NOL4L: variants seen among roughly 807,000 people sequenced by gnomAD.
NOL4L encodes nucleolar protein 4 like, also known as nucleolar protein 4-like.
A neutral mutation model predicts 64.5 loss-of-function variants in NOL4L; 7 were observed. The observed-to-expected ratio is 0.11, with a 90% CI of 0.06 to 0.20. NOL4L has a LOEUF of 0.20. Ranked by LOEUF, NOL4L falls within the 10% of genes least tolerant of loss-of-function variation. NOL4L has a pLI of 1.00. For synonymous variants in NOL4L, 413 were observed against 401.0 expected (o/e 1.03, Z -0.36); for missense variants, 680 against 967.1 (o/e 0.70, Z 3.94).
chr20:32,542,487 G>A (rs1236571998), intron 1 of NOL4L, among the ~76,000 whole-genome samples: 2 of 151,980 alleles, frequency 1.3e-5, no homozygotes, highest in Admixed American at 1.3e-4. Context: ...CCAAGTAACT[G>A]GACCATAGGC....
intron 1 of NOL4L, among the ~76,000 whole-genome samples, chr20:32,581,769 G>A (rs373266869): frequency 6.6e-6 from 1 of 152,174 alleles, no homozygotes; most frequent in African/African-American, 2.4e-5. Context: ...GCCCGCACAA[G>A]GACTGTGGGT....
chr20:32,522,182 C>T (rs1041489525), intron 2 of NOL4L, among the ~76,000 whole-genome samples: 1 of 152,226 alleles, frequency 6.6e-6, no homozygotes, highest in Non-Finnish European at 1.5e-5. Context: ...GGCACAGCTT[C>T]CAGCTCAGCC....
intron 3 of NOL4L, among the ~76,000 whole-genome samples, chr20:32,511,711 G>A (rs1164984176): frequency 2.0e-5 from 3 of 152,176 alleles, no homozygotes; most frequent in Admixed American, 6.5e-5. Flanking sequence ...GAGGCCGGGC[G>A]TGCTGGCTCA....
rs187590027 is a variant in NOL4L, at chr20:32,508,834, G to T, written c.699+2513C>A. On this transcript the variant is annotated intron_variant, in intron 4 of 10. Coordinates refer to ENST00000621426, the MANE Select transcript of NOL4L (RefSeq NM_001256798.2). Reference sequence around the variant, plus strand: ...GGTCATGAACTTCGGTTCATCCCCTGATACTCATCAGGTGCTTATGCACAC... The same window carrying T: ...GGTCATGAACTTCGGTTCATCCCCTTATACTCATCAGGTGCTTATGCACAC... 2.1e-4 allele frequency among the ~76,000 whole-genome samples: 32 copies of T among 152,304 alleles called. 1 individual carries two copies. The East Asian group carries it at 6.2e-3, about 29-fold the overall frequency.
chr20:32,508,937 T>C (rs1018694063), intron 4 of NOL4L, among the ~76,000 whole-genome samples: 2 of 152,032 alleles, frequency 1.3e-5, no homozygotes, highest in Admixed American at 1.3e-4. Flanking sequence ...GCCCCTCAAA[T>C]CTCTTGAAGG....
At chr20:32,477,501 C>T (rs544678931) in intron 4 of NOL4L, among the ~76,000 whole-genome samples, 10 of 152,380 alleles carry the variant, frequency 6.6e-5, no homozygotes, top group South Asian at 4.1e-4. Flanking sequence ...GGAAAACCTT[C>T]GGTCCTTCCA....
At chr20:32,576,393 AGAG>A (rs1483949915) in intron 1 of NOL4L, among the ~76,000 whole-genome samples, 1 of 152,014 alleles carries the variant, frequency 6.6e-6, no homozygotes, top group Non-Finnish European at 1.5e-5. Context: ...ATTGGGAGGG[AGAG>A]GAGGTCAGAG....
In NOL4L at chr20:32,585,004, C is replaced by T. The variant is rs1980796385; in HGVS notation, c.-114G>A. Reference sequence around the variant, plus strand: ...GGGACGCGCCGCGGCCGCGTCTGTCCCGCGGTGTGGCTCCGGCGAGGCTGC... The same window carrying T: ...GGGACGCGCCGCGGCCGCGTCTGTCTCGCGGTGTGGCTCCGGCGAGGCTGC... On this transcript the variant is annotated 5_prime_UTR_variant, in exon 1 of 11. Transcript: ENST00000621426. The T allele has an allele frequency of 5.6e-6, 3 of 531,678 alleles. No homozygotes were observed. Among genetic ancestry groups the T allele is most frequent in the African/African-American group, 2.1e-5 (1 of 48,154 alleles). The allele number at this position is 531,678 out of a possible 1,614,324, so 32.9% of individuals were successfully genotyped here. A position where few individuals can be genotyped will look rare whatever the true frequency, so the allele number is the denominator to read the frequency against.
At chr20:32,474,333 G>A (rs901057708) in intron 5 of NOL4L, among the ~76,000 whole-genome samples, 11 of 152,236 alleles carry the variant, frequency 7.2e-5, no homozygotes, top group African/African-American at 9.6e-5. Context: ...ATGGCATCCC[G>A]GCAACCAGGC....
chr20:32,538,067 C>T (rs1320729683), intron 1 of NOL4L, among the ~76,000 whole-genome samples: 1 of 152,196 alleles, frequency 6.6e-6, no homozygotes, highest in African/African-American at 2.4e-5. Context: ...GCATGAGCCA[C>T]CACACCCAGC....
chr20:32,522,094 T>C (rs890763113), intron 2 of NOL4L, among the ~76,000 whole-genome samples: 6 of 151,932 alleles, frequency 3.9e-5, no homozygotes, highest in Non-Finnish European at 7.4e-5. Context: ...AGGGCGGGGC[T>C]GGGGAGTGGA....
chr20:32,576,160 G>A (rs2145624138), intron 1 of NOL4L, among the ~76,000 whole-genome samples: 1 of 152,332 alleles, frequency 6.6e-6, no homozygotes, highest in East Asian at 1.9e-4. Flanking sequence ...GTTCTGGACA[G>A]AGGAGGGAGA....
At chr20:32,537,517 G>C (rs913723834) in intron 1 of NOL4L, among the ~76,000 whole-genome samples, 1 of 152,198 alleles carries the variant, frequency 6.6e-6, no homozygotes, top group African/African-American at 2.4e-5. Flanking sequence ...GAGCTGAAGC[G>C]ATTTGCCCAC....
intron 1 of NOL4L, among the ~76,000 whole-genome samples, chr20:32,574,174 C>T (rs1360484061): frequency 6.6e-6 from 1 of 152,220 alleles, no homozygotes; most frequent in Non-Finnish European, 1.5e-5. Flanking sequence ...CTGTCCTTGG[C>T]CATACCGCCT....
At chr20:32,484,205 T>C (rs1156805832) in intron 4 of NOL4L, among the ~76,000 whole-genome samples, 1 of 151,866 alleles carries the variant, frequency 6.6e-6, no homozygotes, top group Non-Finnish European at 1.5e-5. Flanking sequence ...GGGACGCGGG[T>C]ACTTGTGGGG....
chr20:32,471,079 C>T (rs1335266435), intron 5 of NOL4L, among the ~76,000 whole-genome samples: 1 of 152,188 alleles, frequency 6.6e-6, no homozygotes, highest in Non-Finnish European at 1.5e-5. Context: ...AGACTCGCAG[C>T]CAGTGGCAGG....
At chr20:32,540,415 T>G (rs1326400733) in intron 1 of NOL4L, among the ~76,000 whole-genome samples, 2 of 152,186 alleles carry the variant, frequency 1.3e-5, no homozygotes, top group Non-Finnish European at 2.9e-5. Flanking sequence ...CTGCAGTCCT[T>G]GGACAGTCTC....
intron 1 of NOL4L, among the ~76,000 whole-genome samples, chr20:32,540,377 A>G (rs1457604043): frequency 6.6e-6 from 1 of 152,226 alleles, no homozygotes; most frequent in Non-Finnish European, 1.5e-5. Flanking sequence ...TCACAGAGAC[A>G]TGGACATAGC....
chr20:32,491,426 TGCC>T (rs1308761233), intron 4 of NOL4L, among the ~76,000 whole-genome samples: 1 of 152,244 alleles, frequency 6.6e-6, no homozygotes, highest in African/African-American at 2.4e-5. Context: ...CTCCACAGAC[TGCC>T]GCCCAGCTGG....
Sources: allele counts gnomAD v4.1 joint callset (sites outside exome capture counted in the v4.1 genomes callset), GRCh38; gene constraint gnomAD v4.1.1; transcripts MANE v1.5; gene names NCBI Gene and HGNC (gene_info 2026-07-23, HGNC 2026-07-21).